Variants in NRCAM observed in about 807,000 individuals in gnomAD.
NRCAM encodes the protein neuronal cell adhesion molecule.
NRCAM carries 83 observed loss-of-function variants against 156.5 expected under a neutral mutation model. The ratio of observed to expected loss-of-function variants is 0.53; its 90% CI spans 0.44 to 0.64. The LOEUF (loss-of-function observed/expected upper bound fraction) is 0.64, where lower values mean the gene tolerates loss of function less well. Ranked by LOEUF, NRCAM falls within the 30% of genes least tolerant of loss-of-function variation. NRCAM has a pLI of 0.00. For synonymous variants in NRCAM, 538 were observed against 563.9 expected (o/e 0.95, Z 0.65); for missense variants, 1,417 against 1,597.3 (o/e 0.89, Z 1.92).
chr7:108,182,278 T>C (rs1169142758), intron 23 of NRCAM, among the ~76,000 whole-genome samples: 1 of 152,176 alleles, frequency 6.6e-6, no homozygotes, highest in Non-Finnish European at 1.5e-5. Context: ...CACTTGGATT[T>C]TTTTTTCCCC....
At chr7:108,404,413 G>C (rs1013407098) in intron 1 of NRCAM, among the ~76,000 whole-genome samples, 4 of 152,116 alleles carry the variant, frequency 2.6e-5, no homozygotes, top group Non-Finnish European at 5.9e-5. Context: ...GCATTTTGAG[G>C]CTTATTTTTC....
chr7:108,342,736 C>T (rs2099305270), intron 2 of NRCAM, among the ~76,000 whole-genome samples: 1 of 152,184 alleles, frequency 6.6e-6, no homozygotes, highest in African/African-American at 2.4e-5. Flanking sequence ...AAAGGGTTGG[C>T]CTCATTGTTT....
At position 108,240,034 on chromosome 7, in the gene NRCAM, G is replaced by A. The variant is rs1335525096; in HGVS notation, c.31C>T (p.Arg11Cys). 1.9e-6 allele frequency: 3 copies of A among 1,613,062 alleles called. No homozygotes were observed. The highest frequency in any genetic ancestry group is 4.5e-5 in the East Asian group (2 of 44,866). Residue 11 changes from arginine to cysteine, a missense_variant, in exon 4 of 33, where the codon CGC becomes TGC. By Grantham distance (180) the Arg-to-Cys change is radical (BLOSUM62 -3). Around this residue, in one of 2 missense-constraint regions of NRCAM, gnomAD observed 1,238 missense variants for 1,336.4 expected, o/e 0.93. Transcript: ENST00000379028. ...AGGGGCACTCTGCCCGCAGATAAGC[G>A]CTTCTTTTTCGGCATTATTTTAAGC... The part of the protein sequence containing the change: MQLKIMPKKK[R>C]LSAGRVPLIL...
intron 2 of NRCAM, among the ~76,000 whole-genome samples, chr7:108,319,155 T>C (rs2098969655): frequency 6.6e-6 from 1 of 152,192 alleles, no homozygotes; most frequent in South Asian, 2.1e-4. Flanking sequence ...ATATATATTT[T>C]ACCACAATAA....
At chr7:108,342,016 C>G (rs1413729219) in intron 2 of NRCAM, among the ~76,000 whole-genome samples, 3 of 152,160 alleles carry the variant, frequency 2.0e-5, no homozygotes, top group Non-Finnish European at 4.4e-5. Context: ...ACTCTCGATT[C>G]TTTTTTGCCT....
chr7:108,290,714 A>G (rs1563127957), intron 3 of NRCAM, among the ~76,000 whole-genome samples: 1 of 152,212 alleles, frequency 6.6e-6, no homozygotes, highest in Non-Finnish European at 1.5e-5. Context: ...ATGAACTGTA[A>G]TCGTTTTTTA....
intron 17 of NRCAM, 77 bp downstream of exon 17, chr7:108,193,947 A>G: frequency 7.1e-7 from 1 of 1,406,912 alleles, no homozygotes; most frequent in South Asian, 1.3e-5. Context: ...ACCATAATTG[A>G]CTACATAGTA....
At chr7:108,360,675 T>C (rs2099544020) in intron 2 of NRCAM, among the ~76,000 whole-genome samples, 1 of 152,182 alleles carries the variant, frequency 6.6e-6, no homozygotes, top group Non-Finnish European at 1.5e-5. Flanking sequence ...ATTGAGAGTC[T>C]CTAAACAAAC....
rs777222225 is a variant in NRCAM, at chr7:108,168,438, T to C, written c.3188-36A>G. 2.6e-6 allele frequency: 4 copies of C among 1,557,158 alleles called. No individual in the cohort carries two copies. In the South Asian group the frequency reaches 5.0e-5, roughly 19 times the overall value. On this transcript the variant is annotated intron_variant, in intron 28 of 32. Transcript: ENST00000379028. ...AATAGAAAAATAAAACAAACAATCA[T>C]ATTGCAACACCATACACACGAATAT...
intron 2 of NRCAM, among the ~76,000 whole-genome samples, chr7:108,320,378 A>G (rs2098986597): frequency 6.6e-6 from 1 of 152,128 alleles, no homozygotes; most frequent in African/African-American, 2.4e-5. Flanking sequence ...GGATTGCTTG[A>G]GTCTGGCAGG....
intron 1 of NRCAM, among the ~76,000 whole-genome samples, chr7:108,409,335 T>C (rs1792366137): frequency 6.6e-6 from 1 of 152,208 alleles, no homozygotes; most frequent in African/African-American, 2.4e-5. Context: ...ATCTGGCAAC[T>C]TCCAATAACC....
chr7:108,176,356 G>A (rs2060497006), intron 27 of NRCAM, 74 bp downstream of exon 27: 2 of 1,361,456 alleles, frequency 1.5e-6, no homozygotes, highest in African/African-American at 1.4e-5. Flanking sequence ...TAGCAAGAAG[G>A]AAAAAGCATA....
chr7:108,184,276 C>T lies in NRCAM; in HGVS notation c.2269G>A (p.Gly757Arg), dbSNP rs753325936. The change falls in exon 22 of 33, where the codon GGA becomes AGA. Residue 757 changes from glycine to arginine, a missense_variant. Gly to Arg is a moderately radical substitution (Grantham distance 125, BLOSUM62 -2). Transcript: ENST00000379028. ...DKNPTAVEGL[G>R]SEPDNLVITW... The stretch of plus-strand genomic sequence containing the variant: ...ATCACCAAATTATCAGGCTCTGATC[C>T]CAGTCCTTCCACAGCTGTGGGGTTT... 1.2e-6 allele frequency: 2 copies of T among 1,613,994 alleles called. No individual in the cohort carries two copies. Among genetic ancestry groups the T allele is most frequent in the Non-Finnish European group, 1.7e-6 (2 of 1,180,018 alleles).
At chr7:108,201,514 T>C (rs1479412371) in intron 13 of NRCAM, among the ~76,000 whole-genome samples, 2 of 152,222 alleles carry the variant, frequency 1.3e-5, no homozygotes, top group Admixed American at 6.5e-5. Context: ...AATGTGAAAA[T>C]GCTTAACACT....
chr7:108,395,965 C>T (rs2099775660), intron 2 of NRCAM, among the ~76,000 whole-genome samples: 1 of 152,176 alleles, frequency 6.6e-6, no homozygotes, highest in African/African-American at 2.4e-5. Context: ...TTCATCCCTG[C>T]TCATACGGTT....
chr7:108,251,146 T>A (rs1053305730), intron 3 of NRCAM, among the ~76,000 whole-genome samples: 11 of 152,134 alleles, frequency 7.2e-5, no homozygotes, highest in African/African-American at 2.7e-4. Context: ...AAACTGAGCA[T>A]TTATTTTCTA....
chr7:108,391,418 A>G (rs1203560490), intron 2 of NRCAM, among the ~76,000 whole-genome samples: 1 of 150,538 alleles, frequency 6.6e-6, no homozygotes, highest in African/African-American at 2.4e-5. Context: ...TTTGTTTTCC[A>G]TTTGCTTGGT....
Position 108,191,284 on chromosome 7 carries a change from C to G in NRCAM, c.1904-1G>C. The G allele has an allele frequency of 1.9e-6, 3 of 1,597,974 alleles. No individual in the cohort carries two copies. The highest frequency in any genetic ancestry group is 2.6e-6 in the Non-Finnish European group (3 of 1,170,200). On this transcript the variant is annotated splice_acceptor_variant, in intron 18 of 32. Transcript: ENST00000379028. LOFTEE classifies it high-confidence loss of function. ...ACGGGAGCTGGAGTTGGAGTAGGAGCTAGAAAGGACATTAATATAAAGGAT... is the reference window on the plus strand; with the variant it reads ...ACGGGAGCTGGAGTTGGAGTAGGAGGTAGAAAGGACATTAATATAAAGGAT...
intron 1 of NRCAM, among the ~76,000 whole-genome samples, chr7:108,405,220 A>T (rs1163241847): frequency 6.6e-6 from 1 of 152,268 alleles, no homozygotes. Context: ...GTGGACACCC[A>T]GGAAGTTTAT....
Sources: gnomAD v4.1 joint callset for allele counts (sites outside exome capture counted in the v4.1 genomes callset) on GRCh38, gnomAD v4.1.1 for gene constraint, gnomAD v4.1.1 regional missense constraint, MANE v1.5 for transcripts, NCBI Gene and HGNC (gene_info 2026-07-23, HGNC 2026-07-21) for gene names.